RASGRP1: variants seen among roughly 807,000 people sequenced by gnomAD.
RASGRP1 encodes RAS guanyl-releasing protein 1.
In RASGRP1, 37 loss-of-function variants were observed where a neutral mutation model predicts 95.1. The observed-to-expected ratio is 0.39, with a 90% CI of 0.30 to 0.51. The LOEUF is 0.51. Ranked by LOEUF, RASGRP1 falls within the 20% of genes least tolerant of loss-of-function variation. The pLI, the probability that RASGRP1 is intolerant of heterozygous loss-of-function variation, is 0.80. For synonymous variants in RASGRP1, 325 were observed against 353.4 expected (o/e 0.92, Z 0.90); for missense variants, 711 against 965.4 (o/e 0.74, Z 3.49).
chr15:38,526,945 C>A (rs1892248179), intron 2 of RASGRP1, among the ~76,000 whole-genome samples: 1 of 152,072 alleles, frequency 6.6e-6, no homozygotes, highest in African/African-American at 2.4e-5. Flanking sequence ...GGTTAATATG[C>A]CTCTGGATGG....
At chr15:38,528,518 C>G (rs1486006656) in intron 2 of RASGRP1, among the ~76,000 whole-genome samples, 1 of 152,130 alleles carries the variant, frequency 6.6e-6, no homozygotes, top group Non-Finnish European at 1.5e-5. Flanking sequence ...AAGTTGATGA[C>G]TCTCTTTCCT....
At chr15:38,550,626 G>A (rs1340613832) in intron 2 of RASGRP1, among the ~76,000 whole-genome samples, 3 of 152,144 alleles carry the variant, frequency 2.0e-5, no homozygotes, top group African/African-American at 4.8e-5. Context: ...GCAACCTTGT[G>A]TGCTAGCATA....
rs1890525240 is a variant in RASGRP1, at chr15:38,490,362, T to G, written c.*192A>C. The G allele has an allele frequency of 2.1e-6, 1 of 486,460 alleles. No individual in the cohort carries two copies. Among genetic ancestry groups the G allele is most frequent in the East Asian group, 3.6e-5 (1 of 27,842 alleles). The allele number at this position is 486,460 out of a possible 1,614,324, so 30.1% of individuals were successfully genotyped here. On this transcript the variant is annotated 3_prime_UTR_variant, in exon 17 of 17. Coordinates refer to ENST00000310803, the MANE Select transcript of RASGRP1 (RefSeq NM_005739.4). The stretch of plus-strand genomic sequence containing the variant: ...TTTGCATTCTTTAGTTTTCCCCCTT[T>G]GAGTCAACTAACTGAAAGAGAAAAC...
intron 8 of RASGRP1, among the ~76,000 whole-genome samples, chr15:38,508,948 CTG>C (rs1476993811): frequency 6.6e-6 from 1 of 152,202 alleles, no homozygotes; most frequent in African/African-American, 2.4e-5. Context: ...ATGCCTGAAA[CTG>C]TGCATAGTAA....
rs1157972693 is a variant in RASGRP1 at position 38,550,020 on chromosome 15, G to T, written c.220+9801C>A. Among the ~76,000 whole-genome samples the T allele has an allele frequency of 2.0e-5, 3 of 152,126 alleles. No homozygotes were observed. The East Asian group carries it at 5.8e-4, about 29-fold the overall frequency. Reference sequence around the variant, plus strand: ...TGCCTGTAATCCCAGCACTTTGAGAGGACGAGGCAGGTGGATCTCTTGAGC... The same window carrying T: ...TGCCTGTAATCCCAGCACTTTGAGATGACGAGGCAGGTGGATCTCTTGAGC... On this transcript the variant is annotated intron_variant, in intron 2 of 16. Coordinates refer to ENST00000310803, the MANE Select transcript of RASGRP1 (RefSeq NM_005739.4).
At chr15:38,499,986 A>G in intron 14 of RASGRP1, 117 bp downstream of exon 14, 2 of 989,122 alleles carry the variant, frequency 2.0e-6, no homozygotes, top group South Asian at 3.0e-5. Context: ...AGCCCTGTGG[A>G]ACTGTGAGTC....
rs183212901 is a variant in RASGRP1, at chr15:38,511,381, T to A, written c.966+223A>T. Reference sequence around the variant, plus strand: ...TGTTTCAACTGGTCCAGCAGGAATGTTTGCAGTGACACTGTCTGAGGCCAG... The same window carrying A: ...TGTTTCAACTGGTCCAGCAGGAATGATTGCAGTGACACTGTCTGAGGCCAG... On this transcript the variant is annotated intron_variant, in intron 8 of 16. Transcript: ENST00000310803. 9.9e-5 allele frequency among the ~76,000 whole-genome samples: 15 copies of A among 152,282 alleles called. No individual in the cohort carries two copies. The East Asian group carries it at 2.5e-3, about 25-fold the overall frequency.
intron 1 of RASGRP1, among the ~76,000 whole-genome samples, chr15:38,560,437 C>G (rs945053413): frequency 1.1e-4 from 16 of 152,178 alleles, no homozygotes; most frequent in Non-Finnish European, 2.1e-4. Flanking sequence ...ATCCCAGCAC[C>G]TTGGGAGGCC....
At chr15:38,490,772 G>C in intron 16 of RASGRP1, 84 bp from the exon 17 acceptor site, 1 of 1,370,730 alleles carries the variant, frequency 7.3e-7, no homozygotes, top group South Asian at 1.4e-5. Flanking sequence ...CTTTTGATTG[G>C]CATTTCCTAT....
chr15:38,497,136 T>G (rs1890823164), intron 15 of RASGRP1, among the ~76,000 whole-genome samples: 1 of 152,228 alleles, frequency 6.6e-6, no homozygotes, highest in Non-Finnish European at 1.5e-5. Context: ...CACTGGATTT[T>G]TGCTGAAGAC....
chr15:38,515,675 G>A (rs950097506), intron 6 of RASGRP1, among the ~76,000 whole-genome samples: 4 of 151,902 alleles, frequency 2.6e-5, no homozygotes, highest in Non-Finnish European at 4.4e-5. Context: ...GTATGTTCTG[G>A]GCTAGGGCAG....
intron 2 of RASGRP1, among the ~76,000 whole-genome samples, chr15:38,556,324 G>C (rs1306873244): frequency 6.6e-6 from 1 of 152,198 alleles, no homozygotes; most frequent in Non-Finnish European, 1.5e-5. Flanking sequence ...AGGCTTGCTA[G>C]AGGCCTTTGA....
At chr15:38,521,039 T>C (rs562604326) in intron 3 of RASGRP1, among the ~76,000 whole-genome samples, 10 of 152,196 alleles carry the variant, frequency 6.6e-5, no homozygotes, top group South Asian at 2.1e-4. Flanking sequence ...ACAAAGGTAA[T>C]TGACATAAAA....
chr15:38,493,031 T>C (rs189836424), intron 16 of RASGRP1, among the ~76,000 whole-genome samples: 300 of 151,294 alleles, frequency 2.0e-3, no homozygotes, highest in Non-Finnish European at 3.2e-3. Context: ...CAGGCGCCCA[T>C]TACCACGCCT....
intron 16 of RASGRP1, among the ~76,000 whole-genome samples, chr15:38,491,319 G>A (rs187963906): frequency 6.6e-5 from 10 of 152,222 alleles, no homozygotes; most frequent in Non-Finnish European, 1.0e-4. Flanking sequence ...GATACACTGG[G>A]TTGTTTCTCA....
At chr15:38,526,542 C>G (rs975678901) in intron 2 of RASGRP1, 138 bp from the exon 3 acceptor site, 3 of 610,612 alleles carry the variant, frequency 4.9e-6, no homozygotes, top group Admixed American at 2.9e-5. Flanking sequence ...AGCACAGCCC[C>G]CCTCTGTTTT....
At chr15:38,519,751 G>A (rs978901505) in intron 3 of RASGRP1, among the ~76,000 whole-genome samples, 4 of 151,476 alleles carry the variant, frequency 2.6e-5, no homozygotes, top group Non-Finnish European at 4.4e-5. Context: ...GAAAAATGAA[G>A]CAGAAAAAAA....
chr15:38,543,561 C>CTTTTTTTTTTT (rs1312763434), intron 2 of RASGRP1, among the ~76,000 whole-genome samples: 3 of 60,692 alleles, frequency 4.9e-5, no homozygotes, highest in Non-Finnish European at 3.4e-5. Flanking sequence ...AAACTCTAGT[C>CTTTTTTTTTTT]TTTTTTTTTT....
rs1230688736 is a variant in RASGRP1, at chr15:38,489,227, C to T, written c.*1327G>A. 2 of 150,942 alleles carry T rather than the reference C, an allele frequency of 1.3e-5. No homozygotes were observed. The highest frequency in any genetic ancestry group is 3.0e-5 in the Non-Finnish European group (2 of 67,612). 9.4% of individuals were successfully genotyped at this position (150,942 alleles called of 1,614,324 possible). On this transcript the variant is annotated 3_prime_UTR_variant, in exon 17 of 17. Transcript: ENST00000310803. ...TATAGGCATGGAAGCTAAGTACCCC[C>T]AAAAAGGAAAATGATCATATGATTT...
Sources: allele counts gnomAD v4.1 joint callset (sites outside exome capture counted in the v4.1 genomes callset), GRCh38; gene constraint gnomAD v4.1.1; transcripts MANE v1.5; gene names NCBI Gene and HGNC (gene_info 2026-07-23, HGNC 2026-07-21).